The following LIPI variants were observed in gnomAD, a reference collection of about 807,000 sequenced individuals.
LIPI encodes the protein lipase I, also known as lipase member I.
In LIPI, 59 loss-of-function variants were observed where a neutral mutation model predicts 50.6. The observed-to-expected ratio is 1.16, with a 90% CI of 0.94 to 1.45. LIPI has a LOEUF of 1.45. Ranked by LOEUF, LIPI falls within the 40% of genes most tolerant of loss-of-function variation. The pLI is 0.00. For missense variants in LIPI, 586 were observed against 536.3 expected, an observed-to-expected ratio of 1.09 and a Z score of -0.92; for synonymous variants, 203 against 178.2, an observed-to-expected ratio of 1.14 and a Z score of -1.11.
At chr21:14,156,241 T>C (rs1249052039) in intron 7 of LIPI, among the ~76,000 whole-genome samples, 2 of 151,942 alleles carry the variant, frequency 1.3e-5, no homozygotes, top group East Asian at 1.9e-4. Context: ...CCAGCTATTC[T>C]TAAAATAGCG....
At position 14,166,401 on chromosome 21, in the gene LIPI, C is replaced by T. The variant is rs143577177; in HGVS notation, c.694G>A (p.Gly232Arg). ...LGHIDFYPNG[G>R]NKQPGCPKSI... ...TTAGGACAGCCAGGTTGTTTATTTC[C>T]TCCATTTGGATAAAAATCTATATGT... The change falls in exon 5 of 10, where the codon GGA (glycine) becomes AGA (arginine). Residue 232 changes from glycine (G) to arginine (R), a missense_variant. Gly to Arg is a moderately radical substitution (Grantham distance 125, BLOSUM62 -2). Coordinates refer to ENST00000681601, the MANE Select transcript of LIPI (RefSeq NM_001302998.2). The T allele has an allele frequency of 1.9e-5, 30 of 1,610,532 alleles. No homozygotes were observed. The African/African-American group carries it at 3.5e-4, about 19-fold the overall frequency.
At chr21:14,208,667 C>T (rs1164741168) in intron 1 of LIPI, among the ~76,000 whole-genome samples, 1 of 152,252 alleles carries the variant, frequency 6.6e-6, no homozygotes, top group African/African-American at 2.4e-5. Flanking sequence ...TTATCTACTG[C>T]TGCTTTCTTG....
chr21:14,143,382 C>G (rs1167634772), intron 9 of LIPI: 3 of 152,138 alleles, frequency 2.0e-5, no homozygotes, highest in African/African-American at 7.2e-5. Flanking sequence ...GATTTATTGA[C>G]TTTTCAGTAA....
chr21:14,200,965 A>C (rs1600935960), intron 1 of LIPI, among the ~76,000 whole-genome samples: 1 of 152,070 alleles, frequency 6.6e-6, no homozygotes, highest in Non-Finnish European at 1.5e-5. Flanking sequence ...AATGCTGCAC[A>C]CCTACAACTA....
intron 9 of LIPI, among the ~76,000 whole-genome samples, chr21:14,117,591 G>A (rs2016699759): frequency 6.6e-6 from 1 of 152,104 alleles, no homozygotes; most frequent in African/African-American, 2.4e-5. Context: ...ACACTGGAAA[G>A]GTTTCAGAGG....
At position 14,181,772 on chromosome 21, in the gene LIPI, T is replaced by A. The variant is rs1218881634; in HGVS notation, c.629A>T (p.His210Leu). 3 of 1,601,252 alleles carry A rather than the reference T, an allele frequency of 1.9e-6. No homozygotes were observed. The highest frequency in any genetic ancestry group is 8.6e-7 in the Non-Finnish European group (1 of 1,168,680). The change falls in exon 4 of 10, where the codon CAT becomes CTT. Residue 210 changes from histidine to leucine, a missense_variant. His to Leu is a moderately conservative substitution (Grantham distance 99). Transcript: ENST00000681601. ...TGATTTGTTACCATTGGAGTCAGAA[T>A]GGATGACATCCACAAACTTTGCATC... ...YTDAKFVDVI[H>L]SDSNGLGIQE...
chr21:14,181,145 T>C (rs1244184967), intron 4 of LIPI, among the ~76,000 whole-genome samples: 1 of 152,106 alleles, frequency 6.6e-6, no homozygotes, highest in Admixed American at 6.6e-5. Flanking sequence ...GCCTAATGTA[T>C]AGGAAGTGCT....
intron 9 of LIPI, among the ~76,000 whole-genome samples, chr21:14,131,421 T>C (rs1315798550): frequency 1.3e-5 from 2 of 152,140 alleles, no homozygotes; most frequent in African/African-American, 4.8e-5. Context: ...ATAACTACCT[T>C]AAGTCACTGA....
intron 2 of LIPI, among the ~76,000 whole-genome samples, chr21:14,186,311 T>C (rs1227554308): frequency 6.6e-6 from 1 of 152,224 alleles, no homozygotes; most frequent in Non-Finnish European, 1.5e-5. Flanking sequence ...TATCATCTCA[T>C]GCAGAACAGT....
chr21:14,116,749 G>A (rs578035227), intron 9 of LIPI, among the ~76,000 whole-genome samples: 27 of 152,192 alleles, frequency 1.8e-4, no homozygotes, highest in East Asian at 1.2e-3. Context: ...ATTCAGACCC[G>A]TCCAAAATGG....
At chr21:14,146,202 G>A (rs576948707) in intron 8 of LIPI, among the ~76,000 whole-genome samples, 3 of 151,342 alleles carry the variant, frequency 2.0e-5, no homozygotes, top group South Asian at 2.1e-4. Flanking sequence ...GTCATTTATC[G>A]TGTCCATGTG....
intron 7 of LIPI, among the ~76,000 whole-genome samples, chr21:14,153,625 A>T (rs1437069472): frequency 6.6e-6 from 1 of 152,196 alleles, no homozygotes; most frequent in Non-Finnish European, 1.5e-5. Flanking sequence ...ATTAAAGCCA[A>T]GGCCAGAAGA....
intron 1 of LIPI, among the ~76,000 whole-genome samples, chr21:14,191,342 A>C (rs1335592137): frequency 6.8e-6 from 1 of 146,400 alleles, no homozygotes; most frequent in Non-Finnish European, 1.5e-5. Context: ...CCGCCACTGC[A>C]CTCCAGCCTG....
chr21:14,159,897 A>G (rs1243903633), intron 7 of LIPI, among the ~76,000 whole-genome samples: 1 of 151,370 alleles, frequency 6.6e-6, no homozygotes, highest in Non-Finnish European at 1.5e-5. Context: ...TACTCCCCAA[A>G]ATGAATATGT....
chr21:14,190,309 AT>A (rs912469115), intron 1 of LIPI, among the ~76,000 whole-genome samples: 22 of 151,812 alleles, frequency 1.4e-4, no homozygotes, highest in African/African-American at 5.3e-4. Flanking sequence ...TTGTGATTCT[AT>A]TTTTTTCATA....
intron 7 of LIPI, among the ~76,000 whole-genome samples, chr21:14,153,771 C>T (rs1283484067): frequency 2.0e-5 from 3 of 152,060 alleles, no homozygotes; most frequent in Non-Finnish European, 2.9e-5. Flanking sequence ...CTGCACAGAG[C>T]CATAAACCTC....
At chr21:14,115,612 G>T (rs1336880597) in intron 9 of LIPI, among the ~76,000 whole-genome samples, 1 of 152,218 alleles carries the variant, frequency 6.6e-6, no homozygotes, top group African/African-American at 2.4e-5. Context: ...GGACGTGGGA[G>T]ATTTGGGACT....
At chr21:14,173,602 T>C (rs2018995436) in intron 4 of LIPI, among the ~76,000 whole-genome samples, 1 of 152,196 alleles carries the variant, frequency 6.6e-6, no homozygotes, top group South Asian at 2.1e-4. Flanking sequence ...TACAACACAG[T>C]GAACTCATGA....
chr21:14,141,863 C>T (rs890146687), intron 9 of LIPI, among the ~76,000 whole-genome samples: 4 of 152,120 alleles, frequency 2.6e-5, no homozygotes, highest in Non-Finnish European at 4.4e-5. Flanking sequence ...TGCTGCCTCT[C>T]GACTGAGGAG....
Sources: allele counts gnomAD v4.1 joint callset (sites outside exome capture counted in the v4.1 genomes callset), GRCh38; gene constraint gnomAD v4.1.1; transcripts MANE v1.5; gene names NCBI Gene and HGNC (gene_info 2026-07-23, HGNC 2026-07-21).